Variants in UNC13C observed in about 807,000 individuals in gnomAD.
UNC13C encodes protein unc-13 homolog C.
A neutral mutation model predicts 245.4 loss-of-function variants in UNC13C; 174 were observed. The observed-to-expected ratio is 0.71, with a 90% CI of 0.63 to 0.80. The LOEUF (loss-of-function observed/expected upper bound fraction) is 0.80, where lower values mean the gene tolerates loss of function less well. Among genes scored for constraint, UNC13C ranks in the 30% least tolerant of loss-of-function variants. The pLI is 0.00. For synonymous variants in UNC13C, 992 were observed against 895.1 expected (o/e 1.11, Z -1.93); for missense variants, 2,829 against 2,602.9 (o/e 1.09, Z -1.89).
At chr15:53,936,099 G>C in the UNC13C span, among the ~76,000 whole-genome samples, 5 of 152,200 alleles carry the variant, frequency 3.3e-5, no homozygotes, top group African/African-American at 1.2e-4. Flanking sequence ...CAGCTGTTTA[G>C]GAGCAGCAGG....
chr15:54,405,838 G>A (rs1029106175), intron 18 of UNC13C, among the ~76,000 whole-genome samples: 1 of 152,060 alleles, frequency 6.6e-6, no homozygotes, highest in Non-Finnish European at 1.5e-5. Context: ...GAAACTGTTA[G>A]CTTTGCAAAT....
intron 4 of UNC13C, among the ~76,000 whole-genome samples, chr15:54,215,077 T>A (rs1027462059): frequency 6.6e-6 from 1 of 151,664 alleles, no homozygotes; most frequent in Admixed American, 6.6e-5. Context: ...GGGAGTAAGG[T>A]TTTTGGTATA....
intron 2 of UNC13C, among the ~76,000 whole-genome samples, chr15:54,037,111 T>G (rs1896606542): frequency 6.6e-6 from 1 of 152,222 alleles, no homozygotes; most frequent in Non-Finnish European, 1.5e-5. Flanking sequence ...CAGTTAAAGG[T>G]GTTCCTAAAC....
chr15:54,271,747 T>G (rs999755542), intron 10 of UNC13C, among the ~76,000 whole-genome samples: 1 of 152,192 alleles, frequency 6.6e-6, no homozygotes, highest in Non-Finnish European at 1.5e-5. Flanking sequence ...AGTAAAGAAT[T>G]AAGTTAATGA....
chr15:54,313,626 G>A (rs891598243), intron 13 of UNC13C, among the ~76,000 whole-genome samples: 1 of 151,662 alleles, frequency 6.6e-6, no homozygotes, highest in Non-Finnish European at 1.5e-5. Flanking sequence ...AGTATATAAT[G>A]TAAAACTGTA....
chr15:53,984,102 A>G (rs991107977), intron 1 of UNC13C, among the ~76,000 whole-genome samples: 15 of 152,080 alleles, frequency 9.9e-5, no homozygotes, highest in Non-Finnish European at 2.1e-4. Context: ...TCATTGTCCT[A>G]AAAAATGCTT....
At chr15:54,306,741 A>C (rs528478282) in intron 13 of UNC13C, among the ~76,000 whole-genome samples, 4 of 152,090 alleles carry the variant, frequency 2.6e-5, no homozygotes, top group Admixed American at 6.6e-5. Context: ...TTTTGCCTCT[A>C]CAATAGCAAA....
chr15:54,505,933 A>G (rs1028838829), intron 22 of UNC13C, among the ~76,000 whole-genome samples: 2 of 152,094 alleles, frequency 1.3e-5, no homozygotes, highest in Non-Finnish European at 2.9e-5. Context: ...AGGTTTTCCT[A>G]TGAAGTAGAC....
At chr15:54,456,338 C>T (rs1466225073) in intron 19 of UNC13C, among the ~76,000 whole-genome samples, 1 of 151,932 alleles carries the variant, frequency 6.6e-6, no homozygotes, top group Non-Finnish European at 1.5e-5. Context: ...TACGTAGGCT[C>T]CTTTTTGGTT....
At chr15:54,607,749 G>A (rs1899847111) in intron 30 of UNC13C, among the ~76,000 whole-genome samples, 1 of 152,054 alleles carries the variant, frequency 6.6e-6, no homozygotes, top group Non-Finnish European at 1.5e-5. Context: ...GAGACAAAGG[G>A]AAGGGGGAGG....
chr15:54,336,815 T>C (rs1596243924), intron 16 of UNC13C, among the ~76,000 whole-genome samples: 1 of 152,284 alleles, frequency 6.6e-6, no homozygotes, highest in African/African-American at 2.4e-5. Flanking sequence ...GAACTCTCTA[T>C]ACTGTTCAAT....
chr15:54,482,655 T>C (rs1893188828), intron 19 of UNC13C, among the ~76,000 whole-genome samples: 1 of 68,224 alleles, frequency 1.5e-5, no homozygotes, highest in Admixed American at 1.3e-4. Flanking sequence ...CCACATGTGG[T>C]TACCTACTTG....
intron 2 of UNC13C, among the ~76,000 whole-genome samples, chr15:54,098,591 C>T (rs1165795899): frequency 1.3e-5 from 2 of 152,124 alleles, no homozygotes; most frequent in African/African-American, 4.8e-5. Context: ...CATGTTGTTT[C>T]ACTTCATGTT....
At chr15:53,871,385 G>A in the UNC13C span, among the ~76,000 whole-genome samples, 2 of 152,116 alleles carry the variant, frequency 1.3e-5, no homozygotes, top group Non-Finnish European at 2.9e-5. Flanking sequence ...CTTAGGTTCA[G>A]CTTACATCTT....
chr15:53,910,783 C>G, the UNC13C span: 6 of 146,814 alleles, frequency 4.1e-5, 1 homozygote, highest in Admixed American at 1.4e-4. Context: ...ATGAGAGCTG[C>G]TGCTGAATAA....
At chr15:54,556,010 T>A (rs571720936) in intron 29 of UNC13C, among the ~76,000 whole-genome samples, 1 of 152,110 alleles carries the variant, frequency 6.6e-6, no homozygotes, top group Admixed American at 6.6e-5. Context: ...CCCAAAGATG[T>A]CGTTTGTACG....
At chr15:53,848,189 T>C in the UNC13C span, among the ~76,000 whole-genome samples, 1 of 152,248 alleles carries the variant, frequency 6.6e-6, no homozygotes, top group South Asian at 2.1e-4. Context: ...TCTATTTACT[T>C]TTGTTTCACT....
chr15:54,475,277 TTTGTTTATTA>T (rs1481474892), intron 19 of UNC13C, among the ~76,000 whole-genome samples: 3 of 108,716 alleles, frequency 2.8e-5, no homozygotes, highest in East Asian at 5.5e-4. Flanking sequence ...GGTATGGTTT[TTTGTTTATTA>T]TTATTATTAT....
chr15:54,304,033 G>C (rs2037659164), intron 13 of UNC13C, among the ~76,000 whole-genome samples: 1 of 152,078 alleles, frequency 6.6e-6, no homozygotes, highest in Non-Finnish European at 1.5e-5. Flanking sequence ...CTAGACAACT[G>C]TCTAAGAGCA....
Sources: allele counts gnomAD v4.1 joint callset (sites outside exome capture counted in the v4.1 genomes callset), GRCh38; gene constraint gnomAD v4.1.1; transcripts MANE v1.5; gene names NCBI Gene and HGNC (gene_info 2026-07-23, HGNC 2026-07-21).